Variants in PIK3AP1 observed in about 807,000 individuals in gnomAD.
PIK3AP1 encodes phosphoinositide 3-kinase adapter protein 1.
In PIK3AP1, 21 loss-of-function variants were observed where a neutral mutation model predicts 88.1. The observed-to-expected ratio is 0.24, with a 90% CI of 0.17 to 0.34. The LOEUF is 0.34. Among genes scored for constraint, PIK3AP1 ranks in the 10% least tolerant of loss-of-function variants. The probability of loss-of-function intolerance (pLI) is 1.00; values close to 1 mark genes in which losing one functional copy is unlikely to be tolerated. For synonymous variants in PIK3AP1, 398 were observed against 400.0 expected (o/e 1.00, Z 0.06); for missense variants, 828 against 1,035.7 (o/e 0.80, Z 2.75).
chr10:96,693,627 T>C (rs960154455), intron 2 of PIK3AP1, among the ~76,000 whole-genome samples: 7 of 152,246 alleles, frequency 4.6e-5, no homozygotes, highest in African/African-American at 1.7e-4. Context: ...GTGACATTGC[T>C]CTGTTGACTC....
At chr10:96,664,569 C>T (rs1394946737) in intron 2 of PIK3AP1, among the ~76,000 whole-genome samples, 4 of 151,264 alleles carry the variant, frequency 2.6e-5, no homozygotes, top group African/African-American at 9.8e-5. Flanking sequence ...AGGCACAAAA[C>T]CAATGCAATC....
At chr10:96,615,826 T>C (rs987735178) in intron 13 of PIK3AP1, among the ~76,000 whole-genome samples, 4 of 152,158 alleles carry the variant, frequency 2.6e-5, no homozygotes, top group Non-Finnish European at 4.4e-5. Context: ...ACTAGGTTCA[T>C]GGGAAGTCAG....
intron 2 of PIK3AP1, among the ~76,000 whole-genome samples, chr10:96,706,489 T>C (rs997641181): frequency 6.6e-6 from 1 of 151,878 alleles, no homozygotes; most frequent in Non-Finnish European, 1.5e-5. Flanking sequence ...CTAAGCTTCC[T>C]GGGAGTCAAA....
chr10:96,622,697 T>C (rs1348101657), intron 11 of PIK3AP1, among the ~76,000 whole-genome samples: 3 of 152,218 alleles, frequency 2.0e-5, no homozygotes, highest in Non-Finnish European at 4.4e-5. Flanking sequence ...CTTTGGGGGA[T>C]GCCTTCAAAT....
At chr10:96,652,952 C>T (rs1335033696) in intron 3 of PIK3AP1, 110 bp from the exon 4 acceptor site, 38 of 1,298,374 alleles carry the variant, frequency 2.9e-5, no homozygotes, top group Non-Finnish European at 3.9e-5. Flanking sequence ...GTGAGAATCT[C>T]TGGGGACAGG....
intron 8 of PIK3AP1, among the ~76,000 whole-genome samples, chr10:96,635,734 AT>A (rs1320930416): frequency 6.6e-6 from 1 of 151,270 alleles, no homozygotes; most frequent in African/African-American, 2.4e-5. Flanking sequence ...GCAAAACCCC[AT>A]TTCTACTAAA....
intron 2 of PIK3AP1, among the ~76,000 whole-genome samples, chr10:96,683,442 G>A (rs1305545898): frequency 6.6e-6 from 1 of 152,034 alleles, no homozygotes; most frequent in Non-Finnish European, 1.5e-5. Flanking sequence ...TTTAGAAAAA[G>A]GTAAGAAAAG....
rs1019010897 is a variant in PIK3AP1, at chr10:96,595,746, A to G, written c.2361-112T>C. The G allele has an allele frequency of 1.9e-5, 19 of 978,586 alleles. No individual in the cohort carries two copies. The African/African-American group carries it at 2.5e-4, about 13-fold the overall frequency. 60.6% of individuals were successfully genotyped at this position (978,586 alleles called of 1,614,324 possible). On this transcript the variant is annotated intron_variant, in intron 16 of 16. Transcript: ENST00000339364. ...TACTATGCAAAGGACACAATCCTCA[A>G]TGAGACAGGACACACATATGAATGT...
At position 96,720,442 on chromosome 10, in the gene PIK3AP1, G is replaced by A; in HGVS notation, c.-48C>T. 2.4e-6 allele frequency: 3 copies of A among 1,224,780 alleles called. No individual in the cohort carries two copies. The highest frequency in any genetic ancestry group is 3.2e-5 in the East Asian group (1 of 31,006). The allele number at this position is 1,224,780 out of a possible 1,614,324, so 75.9% of individuals were successfully genotyped here. A position where few individuals can be genotyped will look rare whatever the true frequency, so the allele number is the denominator to read the frequency against. ...CCTGGCTCGCTGCGTGCCCGGGGCC[G>A]GGACCGGGGCCGGCGGCGTCCTGGC... On this transcript the variant is annotated 5_prime_UTR_variant, in exon 1 of 17. Coordinates refer to ENST00000339364, the MANE Select transcript of PIK3AP1 (RefSeq NM_152309.3). This position sits in a 1 kb window ranked among gnomAD's most constrained non-coding sequence, Gnocchi z 4.6.
intron 3 of PIK3AP1, among the ~76,000 whole-genome samples, chr10:96,653,658 T>C (rs1212384708): frequency 6.6e-6 from 1 of 151,770 alleles, no homozygotes; most frequent in East Asian, 2.0e-4. Context: ...CGGCAAATTT[T>C]TCTCTGTTTA....
chr10:96,658,534 ACCCCTGGCCTACTC>A (rs1374622015), intron 2 of PIK3AP1, among the ~76,000 whole-genome samples: 1 of 151,888 alleles, frequency 6.6e-6, no homozygotes, highest in Non-Finnish European at 1.5e-5. Context: ...TAAGACCCTG[ACCCCTGGCCTACTC>A]AGGCCAGCAG....
chr10:96,666,285 A>G (rs868190211), intron 2 of PIK3AP1, among the ~76,000 whole-genome samples: 34 of 152,006 alleles, frequency 2.2e-4, no homozygotes, highest in African/African-American at 6.5e-4. Flanking sequence ...CGGGCGTGGT[A>G]GCAGGCGCCT....
intron 9 of PIK3AP1, among the ~76,000 whole-genome samples, chr10:96,627,730 C>G (rs764519176): frequency 1.1e-4 from 16 of 152,200 alleles, no homozygotes; most frequent in Non-Finnish European, 2.2e-4. Flanking sequence ...ACCTTTGAAA[C>G]CTTCAGTAAT....
At chr10:96,712,294 C>T (rs1243288578) in intron 1 of PIK3AP1, among the ~76,000 whole-genome samples, 1 of 152,120 alleles carries the variant, frequency 6.6e-6, no homozygotes, top group Non-Finnish European at 1.5e-5. Flanking sequence ...GCAATTCTGA[C>T]GATGCCCTGG....
chr10:96,700,240 C>T (rs776796088), intron 2 of PIK3AP1, among the ~76,000 whole-genome samples: 91 of 152,186 alleles, frequency 6.0e-4, no homozygotes, highest in Non-Finnish European at 1.1e-3. Flanking sequence ...GCCGCCGAAG[C>T]GGCAGGAGAG....
At chr10:96,596,598 T>C (rs1848757567) in intron 16 of PIK3AP1, among the ~76,000 whole-genome samples, 1 of 152,222 alleles carries the variant, frequency 6.6e-6, no homozygotes. Context: ...CTGCTTCTCA[T>C]GACTGCTTCC....
chr10:96,718,080 A>G (rs911124407), intron 1 of PIK3AP1, among the ~76,000 whole-genome samples: 1 of 152,204 alleles, frequency 6.6e-6, no homozygotes, highest in African/African-American at 2.4e-5. Context: ...ATGTGATTCC[A>G]TTCATATACA....
chr10:96,693,025 C>T (rs1186152380), intron 2 of PIK3AP1, among the ~76,000 whole-genome samples: 1 of 152,154 alleles, frequency 6.6e-6, no homozygotes, highest in African/African-American at 2.4e-5. Flanking sequence ...TGCTCCTTGC[C>T]CTGTCCACTG....
chr10:96,713,968 G>A (rs1026224511), intron 1 of PIK3AP1, among the ~76,000 whole-genome samples: 1 of 152,172 alleles, frequency 6.6e-6, no homozygotes, highest in Admixed American at 6.5e-5. Flanking sequence ...AAGGTCAGGA[G>A]TTCGAGACCA....
Sources: allele counts gnomAD v4.1 joint callset (sites outside exome capture counted in the v4.1 genomes callset), GRCh38; gene constraint gnomAD v4.1.1; non-coding constraint Gnocchi (gnomAD v3.1); transcripts MANE v1.5; gene names NCBI Gene and HGNC (gene_info 2026-07-23, HGNC 2026-07-21).